The following NKAIN2 variants were observed in gnomAD, a reference collection of about 807,000 sequenced individuals.
NKAIN2 encodes the protein sodium/potassium-transporting ATPase subunit beta-1-interacting protein 2.
In NKAIN2, 14 loss-of-function variants were observed where a neutral mutation model predicts 32.6. The observed-to-expected ratio is 0.43, with a 90% confidence interval of 0.28 to 0.67. The LOEUF (loss-of-function observed/expected upper bound fraction) is 0.67, where lower values mean the gene tolerates loss of function less well. NKAIN2 is among the 30% of genes least tolerant of loss of function. The probability of loss-of-function intolerance (pLI) is 0.17; values close to 1 mark genes in which losing one functional copy is unlikely to be tolerated. For missense variants in NKAIN2, 198 were observed against 258.3 expected (o/e 0.77, Z 1.60); for synonymous variants, 80 against 87.2 (o/e 0.92, Z 0.46).
intron 1 of NKAIN2, among the ~76,000 whole-genome samples, chr6:124,249,266 C>T (rs1366207588): frequency 6.6e-6 from 1 of 152,086 alleles, no homozygotes; most frequent in African/African-American, 2.4e-5. Flanking sequence ...GTTTGCCTGA[C>T]AGCAAAGCTC....
chr6:124,268,107 G>T (rs572136523), intron 1 of NKAIN2, among the ~76,000 whole-genome samples: 17 of 152,102 alleles, frequency 1.1e-4, no homozygotes, highest in Non-Finnish European at 2.2e-4. Flanking sequence ...AAGTAAAATT[G>T]ATATACTTGC....
chr6:123,961,805 C>T (rs1279465183), intron 1 of NKAIN2, among the ~76,000 whole-genome samples: 1 of 152,106 alleles, frequency 6.6e-6, no homozygotes, highest in Non-Finnish European at 1.5e-5. Flanking sequence ...AGCACCATTA[C>T]TCACAAACTT....
At chr6:124,149,314 T>G (rs1174618914) in intron 1 of NKAIN2, among the ~76,000 whole-genome samples, 1 of 152,244 alleles carries the variant, frequency 6.6e-6, no homozygotes, top group Non-Finnish European at 1.5e-5. Flanking sequence ...TTTTTTTCTT[T>G]TGTCACATGT....
intron 2 of NKAIN2, among the ~76,000 whole-genome samples, chr6:124,306,932 T>C (rs1796527106): frequency 6.6e-6 from 1 of 152,118 alleles, no homozygotes; most frequent in South Asian, 2.1e-4. Flanking sequence ...GAGCTTAAAT[T>C]GAAAGCTAAA....
At chr6:123,975,923 C>A (rs6940131) in intron 1 of NKAIN2, among the ~76,000 whole-genome samples, 1 of 151,662 alleles carries the variant, frequency 6.6e-6, no homozygotes, top group African/African-American at 2.4e-5. Flanking sequence ...CTACATGTCG[C>A]GGGAGGGACC....
rs547288562 is a variant in NKAIN2 at position 123,895,402 on chromosome 6, G to C, written c.54+91148G>C. ...ACACATGGCATTATTTCACCATTAG[G>C]TTACTACTGACTGGCATAGTTTCTT... On this transcript the variant is annotated intron_variant, in intron 1 of 6. Coordinates refer to ENST00000368417, the MANE Select transcript of NKAIN2 (RefSeq NM_001040214.3). Among the ~76,000 whole-genome samples the C allele has an allele frequency of 7.9e-5, 12 of 152,116 alleles. No individual in the cohort carries two copies. The South Asian group carries it at 2.5e-3, about 32-fold the overall frequency.
intron 1 of NKAIN2, among the ~76,000 whole-genome samples, chr6:124,196,286 A>G (rs919744586): frequency 6.6e-6 from 1 of 152,136 alleles, no homozygotes; most frequent in Non-Finnish European, 1.5e-5. Flanking sequence ...ATTAAAGATT[A>G]TATGACAATA....
intron 1 of NKAIN2, among the ~76,000 whole-genome samples, chr6:123,997,918 T>A (rs1779699679): frequency 6.6e-6 from 1 of 152,126 alleles, no homozygotes; most frequent in African/African-American, 2.4e-5. Context: ...TATTGTTATT[T>A]GTTAAAAGAA....
At chr6:124,100,119 TTTC>T (rs1784813013) in intron 1 of NKAIN2, among the ~76,000 whole-genome samples, 1 of 152,214 alleles carries the variant, frequency 6.6e-6, no homozygotes, top group African/African-American at 2.4e-5. Flanking sequence ...ACTGCAGAAA[TTTC>T]TTCCTCATTC....
At chr6:124,246,140 T>C (rs1353322344) in intron 1 of NKAIN2, among the ~76,000 whole-genome samples, 1 of 152,106 alleles carries the variant, frequency 6.6e-6, no homozygotes, top group African/African-American at 2.4e-5. Context: ...TCTGTTATTA[T>C]TGCAGCTAAG....
intron 3 of NKAIN2, among the ~76,000 whole-genome samples, chr6:124,446,399 G>A (rs1775894453): frequency 1.3e-5 from 2 of 152,082 alleles, no homozygotes; most frequent in African/African-American, 2.4e-5. Context: ...CTGGAGTGCA[G>A]TGACGTGATC....
Position 124,036,779 on chromosome 6 carries a change from G to GT in NKAIN2, c.54+232532dup, listed in dbSNP as rs534716548. 1.7e-3 allele frequency among the ~76,000 whole-genome samples: 261 copies of GT among 152,156 alleles called. 3 individuals are homozygous for GT. The highest frequency in any genetic ancestry group is 5.8e-3 in the African/African-American group (241 of 41,560). Reference sequence around the variant, plus strand: ...TTTTCTACTTCAGAAGTGTGTATGTGTTTTTTTAAAAACTGCTAATGAAAG... The same window carrying GT: ...TTTTCTACTTCAGAAGTGTGTATGTGTTTTTTTTAAAAACTGCTAATGAAAG... On this transcript the variant is annotated intron_variant, in intron 1 of 6. Transcript: ENST00000368417.
At chr6:124,205,169 C>T (rs766511440) in intron 1 of NKAIN2, among the ~76,000 whole-genome samples, 2 of 151,594 alleles carry the variant, frequency 1.3e-5, no homozygotes, top group African/African-American at 2.4e-5. Flanking sequence ...GTCCATAGGC[C>T]AAATATTATG....
At chr6:124,009,116 C>A (rs1562305929) in intron 1 of NKAIN2, among the ~76,000 whole-genome samples, 1 of 152,190 alleles carries the variant, frequency 6.6e-6, no homozygotes, top group East Asian at 1.9e-4. Flanking sequence ...CAACTGTAAT[C>A]CTGAATGTAA....
At chr6:124,709,374 T>C (rs1209104492) in intron 4 of NKAIN2, among the ~76,000 whole-genome samples, 5 of 150,998 alleles carry the variant, frequency 3.3e-5, no homozygotes, top group Non-Finnish European at 7.4e-5. Flanking sequence ...AGGGAGGATT[T>C]CCTCTTTTTC....
At position 124,095,509 on chromosome 6, in the gene NKAIN2, A is replaced by G. The variant is rs73563140; in HGVS notation, c.55-187496A>G. On this transcript the variant is annotated intron_variant, in intron 1 of 6. Coordinates refer to ENST00000368417, the MANE Select transcript of NKAIN2 (RefSeq NM_001040214.3). Reference sequence around the variant, plus strand: ...CAACCTTTCAAAAGTGTCTGTGTAGAGAATTATTTAAGCAGAATATGGATT... The same window carrying G: ...CAACCTTTCAAAAGTGTCTGTGTAGGGAATTATTTAAGCAGAATATGGATT... Among the ~76,000 whole-genome samples, 1,498 of 152,282 alleles carry G rather than the reference A, an allele frequency of 9.8e-3. 19 individuals carry two copies. The highest frequency in any genetic ancestry group is 0.034 in the African/African-American group (1,428 of 41,566).
chr6:123,975,465 A>G (rs1308345844), intron 1 of NKAIN2, among the ~76,000 whole-genome samples: 2 of 152,222 alleles, frequency 1.3e-5, no homozygotes, highest in Non-Finnish European at 2.9e-5. Context: ...AATTCTTTTT[A>G]GAAAAGTTAC....
At chr6:123,889,290 C>G (rs1773883472) in intron 1 of NKAIN2, among the ~76,000 whole-genome samples, 2 of 152,046 alleles carry the variant, frequency 1.3e-5, no homozygotes, top group Non-Finnish European at 2.9e-5. Flanking sequence ...ATGGCATATT[C>G]TAAGTGAGAT....
intron 4 of NKAIN2, among the ~76,000 whole-genome samples, chr6:124,694,932 T>A (rs1483914780): frequency 1.3e-5 from 2 of 148,156 alleles, no homozygotes; most frequent in African/African-American, 5.0e-5. Flanking sequence ...TGATAGAAGG[T>A]TTTGTTTTCT....
Sources: gnomAD v4.1 joint callset for allele counts (sites outside exome capture counted in the v4.1 genomes callset) on GRCh38, gnomAD v4.1.1 for gene constraint, MANE v1.5 for transcripts, NCBI Gene and HGNC (gene_info 2026-07-23, HGNC 2026-07-21) for gene names.